The following UBE2E1 variants were observed in gnomAD, a reference collection of about 807,000 sequenced individuals.
UBE2E1 encodes the protein ubiquitin conjugating enzyme E2 E1.
UBE2E1 carries 6 observed loss-of-function variants against 21.4 expected under a neutral mutation model. The observed-to-expected ratio is 0.28, with a 90% CI of 0.15 to 0.55. The LOEUF is 0.55. Ranked by LOEUF, UBE2E1 falls within the 20% of genes least tolerant of loss-of-function variation. UBE2E1 has a pLI of 0.93. For synonymous variants in UBE2E1, 87 were observed against 82.7 expected, an observed-to-expected ratio of 1.05 and a Z score of -0.28; for missense variants, 142 against 236.5, an observed-to-expected ratio of 0.60 and a Z score of 2.62.
chr3:23,889,355 C>T (rs1575048442), intron 5 of UBE2E1, 96 bp downstream of exon 5: 10 of 1,580,412 alleles, frequency 6.3e-6, no homozygotes, highest in Non-Finnish European at 8.6e-6. Flanking sequence ...TTTTTCTGCA[C>T]AAGTTTGTGA....
chr3:23,839,227 G>C (rs927312123), intron 3 of UBE2E1, among the ~76,000 whole-genome samples: 15 of 152,112 alleles, frequency 9.9e-5, no homozygotes, highest in African/African-American at 3.6e-4. Context: ...ACTTTGGGAG[G>C]CTGAGGCGGG....
intron 3 of UBE2E1, among the ~76,000 whole-genome samples, chr3:23,879,881 G>T (rs1483867157): frequency 6.6e-6 from 1 of 152,204 alleles, no homozygotes; most frequent in South Asian, 2.1e-4. Context: ...TATGGTTTAT[G>T]TGTTTGTAGG....
intron 3 of UBE2E1, among the ~76,000 whole-genome samples, chr3:23,874,664 G>A (rs1170498956): frequency 6.6e-6 from 1 of 152,110 alleles, no homozygotes; most frequent in Non-Finnish European, 1.5e-5. Flanking sequence ...CTTCTTGGGC[G>A]AAAGGGCAGA....
At chr3:23,845,585 C>CTGTGTGTG (rs71620797) in intron 3 of UBE2E1, among the ~76,000 whole-genome samples, 5,227 of 97,588 alleles carry the variant, frequency 0.054, 162 homozygotes, top group Non-Finnish European at 0.08. Context: ...CTCTCTCTCT[C>CTGTGTGTG]TCTCTGTGTG....
chr3:23,883,057 C>A (rs112194923), intron 3 of UBE2E1, among the ~76,000 whole-genome samples: 2 of 152,136 alleles, frequency 1.3e-5, no homozygotes, highest in African/African-American at 4.8e-5. Flanking sequence ...GCACCAAGAG[C>A]GAGCGAGGGC....
intron 3 of UBE2E1, among the ~76,000 whole-genome samples, chr3:23,841,194 G>A (rs2125300320): frequency 6.6e-6 from 1 of 152,276 alleles, no homozygotes; most frequent in Non-Finnish European, 1.5e-5. Flanking sequence ...TTTACATCAT[G>A]AGCGAGGAAA....
At chr3:23,889,595 C>G (rs1244858689) in intron 5 of UBE2E1, 1 of 985,108 alleles carries the variant, frequency 1.0e-6, no homozygotes, top group Admixed American at 6.2e-5. Flanking sequence ...TTCTAAATGT[C>G]GAGTCATCTG....
In UBE2E1 at chr3:23,842,247, G is replaced by GGTGT. The variant is rs1553637738; in HGVS notation, c.203+30737_203+30738insGTGT. Among the ~76,000 whole-genome samples, 42 of 19,144 alleles carry GGTGT rather than the reference G, an allele frequency of 2.2e-3. No homozygotes were observed. Among genetic ancestry groups the GGTGT allele is most frequent in the African/African-American group, 8.3e-3 (41 of 4,914 alleles). The allele number at this position is 19,144 out of a possible 152,430, so 12.6% of individuals were successfully genotyped here. A position where few individuals can be genotyped will look rare whatever the true frequency, so the allele number is the denominator to read the frequency against. ...TGTGTGTGTGTGTGTGTGTGTGTGTGTGGTGTTGTTGTTGTTGGCGACAGG... is the reference window on the plus strand; with the variant it reads ...TGTGTGTGTGTGTGTGTGTGTGTGTGGTGTTGGTGTTGTTGTTGTTGGCGACAGG... On this transcript the variant is annotated intron_variant, in intron 3 of 5. Coordinates refer to ENST00000306627, the MANE Select transcript of UBE2E1 (RefSeq NM_003341.5). This position sits in a 1 kb window ranked among gnomAD's most constrained non-coding sequence, Gnocchi z 4.6.
chr3:23,831,221 A>G (rs1699858478), intron 3 of UBE2E1, among the ~76,000 whole-genome samples: 1 of 152,242 alleles, frequency 6.6e-6, no homozygotes, highest in Non-Finnish European at 1.5e-5. Context: ...GATATCAGAA[A>G]CAACAGAAAC....
intron 3 of UBE2E1, among the ~76,000 whole-genome samples, chr3:23,833,934 G>A (rs762392619): frequency 3.9e-5 from 6 of 152,010 alleles, no homozygotes; most frequent in Admixed American, 3.3e-4. Flanking sequence ...ACAGGTTGAC[G>A]CTGCAGTCAG....
In UBE2E1 at chr3:23,810,513, G is replaced by T; in HGVS notation, c.153-947G>T. The T allele has an allele frequency of 6.5e-7, 1 of 1,535,468 alleles. No individual in the cohort carries two copies. Among genetic ancestry groups the T allele is most frequent in the Non-Finnish European group, 8.7e-7 (1 of 1,146,516 alleles). ...GGCAGACCCCGGGAAGTTAGAGGAC[G>T]CCCGGGGAAAAGCAGGTCCGGGGAG... On this transcript the variant is annotated intron_variant, in intron 2 of 5. Coordinates refer to ENST00000306627, the MANE Select transcript of UBE2E1 (RefSeq NM_003341.5). The surrounding 1 kb of genome is among the most constrained non-coding windows in gnomAD (Gnocchi z 5.8).
At chr3:23,822,809 T>A (rs993134476) in intron 3 of UBE2E1, among the ~76,000 whole-genome samples, 6 of 152,164 alleles carry the variant, frequency 3.9e-5, no homozygotes, top group Non-Finnish European at 8.8e-5. Flanking sequence ...TCATATTTAA[T>A]GTTTTTCATC....
intron 3 of UBE2E1, among the ~76,000 whole-genome samples, chr3:23,864,767 C>T (rs1700619324): frequency 6.6e-6 from 1 of 152,188 alleles, no homozygotes; most frequent in Non-Finnish European, 1.5e-5. Context: ...GTTATCTGTT[C>T]CTTAGTTAGA....
At chr3:23,841,590 GT>G (rs1319233180) in intron 3 of UBE2E1, among the ~76,000 whole-genome samples, 1 of 152,098 alleles carries the variant, frequency 6.6e-6, no homozygotes, top group East Asian at 1.9e-4. Flanking sequence ...CAGATAAAAT[GT>G]TTTCTGTCTA....
At chr3:23,881,453 C>A (rs1457825197) in intron 3 of UBE2E1, among the ~76,000 whole-genome samples, 1 of 152,196 alleles carries the variant, frequency 6.6e-6, no homozygotes, top group Non-Finnish European at 1.5e-5. Flanking sequence ...TACATCCTCT[C>A]ATGCAGAGGT....
chr3:23,806,941 T>A lies in UBE2E1; in HGVS notation c.-33-296T>A. 5.5e-6 allele frequency: 1 copy of A among 181,658 alleles called. No individual in the cohort carries two copies. Among genetic ancestry groups the A allele is most frequent in the Non-Finnish European group, 1.1e-5 (1 of 88,090 alleles). The allele number at this position is 181,658 out of a possible 1,614,324, so 11.3% of individuals were successfully genotyped here. A position where few individuals can be genotyped will look rare whatever the true frequency, so the allele number is the denominator to read the frequency against. ...CCCCGCGCCCCCCGCCCTGCCCTCC[T>A]TCGCCTCCCGGGCTACTCCCTCCCT... is the stretch of plus-strand genomic sequence containing the variant. On this transcript the variant is annotated intron_variant, in intron 1 of 5. Coordinates refer to ENST00000306627, the MANE Select transcript of UBE2E1 (RefSeq NM_003341.5). The surrounding 1 kb of genome is among the most constrained non-coding windows in gnomAD (Gnocchi z 6.5).
At chr3:23,833,697 A>G (rs1699915835) in intron 3 of UBE2E1, among the ~76,000 whole-genome samples, 1 of 152,252 alleles carries the variant, frequency 6.6e-6, no homozygotes, top group Non-Finnish European at 1.5e-5. Flanking sequence ...AATGAGGTTT[A>G]TTTAAGATGC....
intron 1 of UBE2E1, 86 bp from the exon 2 acceptor site, chr3:23,807,151 C>T (rs1699296525): frequency 8.3e-7 from 1 of 1,203,668 alleles, no homozygotes; most frequent in Non-Finnish European, 1.1e-6. Flanking sequence ...CGCCCCTGGT[C>T]AATGCCCTCC....
rs1446220423 is a variant in UBE2E1, at chr3:23,808,209, C to T, written c.152+788C>T. Among the ~76,000 whole-genome samples the T allele has an allele frequency of 6.6e-6, 1 of 152,102 alleles. No individual in the cohort carries two copies. The highest frequency in any genetic ancestry group is 1.9e-4 in the East Asian group (1 of 5,190). Reference sequence around the variant, plus strand: ...GAAGGTAGCTACTTTTTATCCCTGCCATCCTAAGCGGTCACCCTTTTTCTT... The same window carrying T: ...GAAGGTAGCTACTTTTTATCCCTGCTATCCTAAGCGGTCACCCTTTTTCTT... On this transcript the variant is annotated intron_variant, in intron 2 of 5. Coordinates refer to ENST00000306627, the MANE Select transcript of UBE2E1 (RefSeq NM_003341.5). This position sits in a 1 kb window ranked among gnomAD's most constrained non-coding sequence, Gnocchi z 4.9.
Sources: gnomAD v4.1 joint callset for allele counts (sites outside exome capture counted in the v4.1 genomes callset) on GRCh38, gnomAD v4.1.1 for gene constraint, Gnocchi (gnomAD v3.1) non-coding constraint, MANE v1.5 for transcripts, NCBI Gene and HGNC (gene_info 2026-07-23, HGNC 2026-07-21) for gene names.